PRKDC: variants seen among roughly 807,000 people sequenced by gnomAD.
PRKDC encodes DNA-dependent protein kinase catalytic subunit.
PRKDC carries 82 observed loss-of-function variants against 486.9 expected under a neutral mutation model. That is an observed-to-expected ratio of 0.17 (90% CI 0.14 to 0.20). The LOEUF (loss-of-function observed/expected upper bound fraction) is 0.20, where lower values mean the gene tolerates loss of function less well. PRKDC is among the 10% of genes least tolerant of loss of function. PRKDC has a pLI of 1.00. For synonymous variants in PRKDC, 1,895 were observed against 1,837.0 expected (o/e 1.03, Z -0.81); for missense variants, 4,504 against 5,038.2 (o/e 0.89, Z 3.21).
intron 7 of PRKDC, among the ~76,000 whole-genome samples, chr8:47,945,846 C>T (rs766846493): frequency 3.9e-4 from 59 of 152,196 alleles, no homozygotes; most frequent in Non-Finnish European, 5.6e-4. Context: ...CTCAGCCTCC[C>T]GAGTAGCTGG....
intron 81 of PRKDC, 28 bp downstream of exon 81, chr8:47,778,976 T>C (rs1347776426): frequency 6.5e-7 from 1 of 1,533,544 alleles, no homozygotes; most frequent in African/African-American, 1.4e-5. Flanking sequence ...AACTAACTAA[T>C]ACAAAGAAAA....
chr8:47,826,236 C>T (rs573824115), intron 63 of PRKDC, among the ~76,000 whole-genome samples: 4 of 152,250 alleles, frequency 2.6e-5, no homozygotes, highest in South Asian at 2.1e-4. Context: ...CTGTTTATCC[C>T]AAATAAACTA....
intron 63 of PRKDC, among the ~76,000 whole-genome samples, chr8:47,825,828 C>T (rs1297810493): frequency 1.3e-5 from 2 of 152,180 alleles, no homozygotes; most frequent in Non-Finnish European, 2.9e-5. Flanking sequence ...TATCTTGTCT[C>T]TCTCAGTGCT....
Position 47,888,622 on chromosome 8 carries a change from A to G in PRKDC, c.4309T>C (p.Tyr1437His). ...SIEELCAVNL[Y>H]GPDAQVDRSR... ...CTGTCCACTTGCGCGTCAGGGCCAT[A>G]CAAGTTGACGGCACAAAGCTCCTCA... is the stretch of plus-strand genomic sequence containing the variant. The change falls in exon 34 of 86, where the codon TAT (tyrosine) becomes CAT (histidine). Residue 1437 changes from tyrosine to histidine, a missense_variant. Around this residue, in one of 6 missense-constraint regions of PRKDC, gnomAD observed 1,969 missense variants for 2,068.9 expected, o/e 0.95. Transcript: ENST00000314191. 1 of 1,594,316 alleles carries G rather than the reference A, an allele frequency of 6.3e-7. No homozygotes were observed. Among genetic ancestry groups the G allele is most frequent in the Non-Finnish European group, 8.5e-7 (1 of 1,170,460 alleles).
chr8:47,849,039 T>C, intron 54 of PRKDC, 115 bp downstream of exon 54: 1 of 1,339,568 alleles, frequency 7.5e-7, no homozygotes, highest in Non-Finnish European at 1.0e-6. Flanking sequence ...AGATTCCAAC[T>C]TCACAAATGT....
At chr8:47,839,882 A>C (rs2088104314) in intron 55 of PRKDC, 134 bp downstream of exon 55, 15 of 619,288 alleles carry the variant, frequency 2.4e-5, no homozygotes, top group Admixed American at 7.1e-5. Context: ...GCTGAGATGG[A>C]AGGATCAACT....
At chr8:47,827,557 A>G (rs1166827451) in intron 62 of PRKDC, among the ~76,000 whole-genome samples, 1 of 152,338 alleles carries the variant, frequency 6.6e-6, no homozygotes, top group South Asian at 2.1e-4. Flanking sequence ...TTCTCTGACC[A>G]CTGCATCTAG....
At chr8:47,811,909 G>A (rs770380176) in intron 68 of PRKDC, among the ~76,000 whole-genome samples, 25 of 152,164 alleles carry the variant, frequency 1.6e-4, no homozygotes, top group Non-Finnish European at 3.4e-4. Flanking sequence ...CCTGGGTGAT[G>A]CAGGTTGCAG....
At chr8:47,889,802 A>G (rs936557170) in intron 32 of PRKDC, among the ~76,000 whole-genome samples, 2 of 152,234 alleles carry the variant, frequency 1.3e-5, no homozygotes, top group African/African-American at 2.4e-5. Flanking sequence ...TCAATAGATC[A>G]TTCATCATGA....
At chr8:47,860,782 TTAAAG>T (rs2088659742) in intron 45 of PRKDC, 112 bp downstream of exon 45, 11 of 724,894 alleles carry the variant, frequency 1.5e-5, no homozygotes, top group Admixed American at 3.4e-5. Flanking sequence ...TTTAGGGTAC[TTAAAG>T]TATTTTCTAT....
chr8:47,908,340 G>A (rs1589783798), intron 25 of PRKDC, among the ~76,000 whole-genome samples: 1 of 151,812 alleles, frequency 6.6e-6, no homozygotes, highest in African/African-American at 2.4e-5. Context: ...TTATACATTT[G>A]TCCATTTTAA....
Position 47,800,900 on chromosome 8 carries a change from T to A in PRKDC, c.10009A>T (p.Ile3337Leu). The A allele has an allele frequency of 6.2e-7, 1 of 1,613,994 alleles. No individual in the cohort carries two copies. The highest frequency in any genetic ancestry group is 1.3e-5 in the African/African-American group (1 of 75,074). The change falls in exon 71 of 86, where the codon ATA (isoleucine) becomes TTA (leucine). Residue 3337 changes from isoleucine to leucine, a missense_variant. Transcript: ENST00000314191. ...GGCTCACTGCTGAGAGCATTCGCTA[T>A]GATCCTGTAAGTTGTACCCAAGAGA... The part of the protein sequence containing the change: ...NILLGTTYRI[I>L]ANALSSEPAC...
intron 66 of PRKDC, among the ~76,000 whole-genome samples, chr8:47,819,813 ACTG>A (rs1303962158): frequency 6.6e-6 from 1 of 152,220 alleles, no homozygotes; most frequent in Non-Finnish European, 1.5e-5. Context: ...ATAATGTAAA[ACTG>A]CTGACTACAG....
chr8:47,800,826 C>T lies in PRKDC; in HGVS notation c.10083G>A (p.Glu3361=). The part of the protein sequence containing the change: ...IEEDKARRIL[E]LSGSSSEDSE... ...AATCCTCTGAACTGGATCCAGAAAG[C>T]TCTAAGATTCTTCTAGCCTTGTCCT... Residue 3361 remains glutamate, a synonymous_variant, in exon 71 of 86, where the codon GAG becomes GAA. Coordinates refer to ENST00000314191, the MANE Select transcript of PRKDC (RefSeq NM_006904.7). 6.2e-7 allele frequency: 1 copy of T among 1,612,308 alleles called. No individual in the cohort carries two copies. The highest frequency in any genetic ancestry group is 8.5e-7 in the Non-Finnish European group (1 of 1,179,194).
At position 47,830,656 on chromosome 8, in the gene PRKDC, G is replaced by T. The variant is rs746599686; in HGVS notation, c.8346C>A (p.Asp2782Glu). The change falls in exon 61 of 86, where the codon GAC (aspartate) becomes GAA (glutamate). Residue 2782 changes from aspartate to glutamate, a missense_variant. Physicochemically the swap from Asp to Glu is conservative, Grantham distance 45. Around this residue, in one of 6 missense-constraint regions of PRKDC, gnomAD observed 1,592 missense variants for 1,724.6 expected, o/e 0.92. Coordinates refer to ENST00000314191, the MANE Select transcript of PRKDC (RefSeq NM_006904.7). Reference protein sequence around the residue: ...YRSYRHGDLPDIQIKHSSLIT... With the variant: ...YRSYRHGDLPEIQIKHSSLIT... ...TGAGGCTGCTGTGCTTGATCTGAAT[G>T]TCAGGAAGGTCTCCGTGCCGGTAGC... The T allele has an allele frequency of 4.3e-6, 7 of 1,614,014 alleles. No individual in the cohort carries two copies. The highest frequency in any genetic ancestry group is 5.9e-6 in the Non-Finnish European group (7 of 1,179,892).
chr8:47,878,924 T>C (rs2089146690), intron 39 of PRKDC, among the ~76,000 whole-genome samples: 1 of 152,164 alleles, frequency 6.6e-6, no homozygotes, highest in African/African-American at 2.4e-5. Context: ...GGATATCTCA[T>C]GTATACACAA....
Position 47,943,958 on chromosome 8 carries a change from G to A in PRKDC, c.777+16C>T. The stretch of plus-strand genomic sequence containing the variant: ...TAAAGGCATTAGAATAATATTAATA[G>A]TAATATTAATCCTACCTGAGGACGA... On this transcript the variant is annotated intron_variant, in intron 8 of 85. Transcript: ENST00000314191. The A allele has an allele frequency of 6.5e-7, 1 of 1,541,058 alleles. No individual in the cohort carries two copies.
chr8:47,786,544 A>C (rs1223755732), intron 76 of PRKDC, among the ~76,000 whole-genome samples: 2 of 152,172 alleles, frequency 1.3e-5, no homozygotes, highest in Non-Finnish European at 2.9e-5. Context: ...CATTATGATG[A>C]CACAAATAAC....
At chr8:47,819,163 C>T (rs1319090510) in intron 67 of PRKDC, among the ~76,000 whole-genome samples, 1 of 152,206 alleles carries the variant, frequency 6.6e-6, no homozygotes, top group Non-Finnish European at 1.5e-5. Context: ...ACTCCAAAAG[C>T]TTCATTAAGG....
Sources: gnomAD v4.1 joint callset for allele counts (sites outside exome capture counted in the v4.1 genomes callset) on GRCh38, gnomAD v4.1.1 for gene constraint, gnomAD v4.1.1 regional missense constraint, MANE v1.5 for transcripts, NCBI Gene and HGNC (gene_info 2026-07-23, HGNC 2026-07-21) for gene names.